The following NRG1 variants were observed in gnomAD, a reference collection of about 807,000 sequenced individuals.
NRG1 encodes the protein pro-neuregulin-1, membrane-bound isoform.
In NRG1, 18 loss-of-function variants were observed where a neutral mutation model predicts 63.8. The ratio of observed to expected loss-of-function variants is 0.28; its 90% CI spans 0.19 to 0.42. NRG1 has a LOEUF of 0.42. Ranked by LOEUF, NRG1 falls within the 10% of genes least tolerant of loss-of-function variation. NRG1 has a pLI of 1.00. For missense variants in NRG1, 762 were observed against 814.7 expected, an observed-to-expected ratio of 0.94 and a Z score of 0.79; for synonymous variants, 302 against 301.3, an observed-to-expected ratio of 1.00 and a Z score of -0.02.
intron 1 of NRG1, among the ~76,000 whole-genome samples, chr8:32,162,113 T>C (rs1027384905): frequency 3.9e-5 from 6 of 152,244 alleles, no homozygotes; most frequent in Non-Finnish European, 4.4e-5. Flanking sequence ...TATGTATGCA[T>C]CACTTTTCTC....
intron 1 of NRG1, among the ~76,000 whole-genome samples, chr8:32,047,497 A>T (rs1173779515): frequency 1.3e-5 from 2 of 152,076 alleles, no homozygotes; most frequent in Non-Finnish European, 2.9e-5. Context: ...GGAAGTGTGC[A>T]TCAATTATAC....
At chr8:32,168,964 C>A (rs905289725) in intron 1 of NRG1, among the ~76,000 whole-genome samples, 4 of 152,188 alleles carry the variant, frequency 2.6e-5, no homozygotes, top group Non-Finnish European at 5.9e-5. Context: ...CCATCTAATG[C>A]TGAGAGGTAT....
intron 1 of NRG1, among the ~76,000 whole-genome samples, chr8:32,413,343 G>C (rs760226012): frequency 3.5e-4 from 54 of 152,120 alleles, no homozygotes; most frequent in Non-Finnish European, 6.5e-4. Flanking sequence ...CTATATAGAT[G>C]AGAGTAAAAG....
intron 1 of NRG1, among the ~76,000 whole-genome samples, chr8:31,894,546 C>CTTTTTTTTTTTTTTTTTTTTTT (rs370312165): frequency 1.0e-5 from 1 of 98,068 alleles, no homozygotes; most frequent in African/African-American, 3.3e-5. Context: ...CTATTTCTTT[C>CTTTTTTTTTTTTTTTTTTTTTT]TTTTTTCTTT....
chr8:32,431,021 C>A (rs1489183579), intron 1 of NRG1, among the ~76,000 whole-genome samples: 1 of 152,060 alleles, frequency 6.6e-6, no homozygotes, highest in African/African-American at 2.4e-5. Context: ...AAGCCTGTTA[C>A]CTCATTTAAT....
intron 1 of NRG1, among the ~76,000 whole-genome samples, chr8:31,810,067 T>C (rs1185757283): frequency 2.0e-5 from 3 of 152,036 alleles, no homozygotes; most frequent in Non-Finnish European, 4.4e-5. Flanking sequence ...ATGCCAACCT[T>C]GGATTCATCC....
At chr8:31,822,333 A>G (rs1439235897) in intron 1 of NRG1, among the ~76,000 whole-genome samples, 1 of 151,984 alleles carries the variant, frequency 6.6e-6, no homozygotes, top group Admixed American at 6.5e-5. Flanking sequence ...TTTTTTTTCT[A>G]TAACCAACCA....
chr8:31,923,151 C>T (rs1834050772), intron 1 of NRG1, among the ~76,000 whole-genome samples: 1 of 152,004 alleles, frequency 6.6e-6, no homozygotes, highest in African/African-American at 2.4e-5. Context: ...GAAACCTTCA[C>T]TATGTTAAAA....
intron 1 of NRG1, among the ~76,000 whole-genome samples, chr8:32,525,328 C>T (rs1830716432): frequency 6.6e-6 from 1 of 151,680 alleles, no homozygotes; most frequent in African/African-American, 2.4e-5. Context: ...GAAAGTCAGT[C>T]TTTTGTCACA....
At chr8:32,372,008 T>A (rs1316623169) in intron 1 of NRG1, among the ~76,000 whole-genome samples, 1 of 129,214 alleles carries the variant, frequency 7.7e-6, no homozygotes, top group African/African-American at 2.6e-5. Context: ...TTTTTTTTTT[T>A]AAAAGGGTTG....
chr8:32,223,700 A>T (rs1363255517), intron 1 of NRG1, among the ~76,000 whole-genome samples: 2 of 152,186 alleles, frequency 1.3e-5, no homozygotes, highest in South Asian at 4.1e-4. Flanking sequence ...CGTGAACATG[A>T]TGCCCTCTAG....
At chr8:32,069,547 C>T (rs1343410992) in intron 1 of NRG1, among the ~76,000 whole-genome samples, 1 of 152,070 alleles carries the variant, frequency 6.6e-6, no homozygotes, top group Admixed American at 6.6e-5. Context: ...GATTGGGAAG[C>T]TGTGGGGATG....
chr8:32,403,227 G>A (rs1348571678), intron 1 of NRG1, among the ~76,000 whole-genome samples: 2 of 146,626 alleles, frequency 1.4e-5, no homozygotes, highest in Non-Finnish European at 3.0e-5. Flanking sequence ...GAACCTGGAA[G>A]GCAGAAAAGT....
intron 1 of NRG1, among the ~76,000 whole-genome samples, chr8:32,528,252 A>G (rs1831083935): frequency 1.3e-5 from 2 of 152,186 alleles, no homozygotes; most frequent in Admixed American, 1.3e-4. Flanking sequence ...CTGTTGTTAT[A>G]TGTCTAGTTA....
intron 1 of NRG1, among the ~76,000 whole-genome samples, chr8:32,138,415 T>C (rs1481930961): frequency 6.6e-6 from 1 of 151,812 alleles, no homozygotes; most frequent in Non-Finnish European, 1.5e-5. Flanking sequence ...AGTTTTAGGA[T>C]TTCATGTCAA....
At chr8:31,875,614 C>A (rs1222804649) in intron 1 of NRG1, among the ~76,000 whole-genome samples, 1 of 152,060 alleles carries the variant, frequency 6.6e-6, no homozygotes, top group African/African-American at 2.4e-5. Flanking sequence ...GTCTCCTCTG[C>A]GATTATGTGG....
intron 1 of NRG1, among the ~76,000 whole-genome samples, chr8:32,316,130 C>T (rs116409829): frequency 1.2e-4 from 18 of 152,208 alleles, no homozygotes; most frequent in South Asian, 2.1e-4. Flanking sequence ...ATGAAAGTGC[C>T]GCAACATTCA....
intron 1 of NRG1, among the ~76,000 whole-genome samples, chr8:32,553,886 A>G (rs1834613348): frequency 6.6e-6 from 1 of 152,198 alleles, no homozygotes; most frequent in South Asian, 2.1e-4. Flanking sequence ...CAGCCTTCCT[A>G]GAATGGCTAT....
chr8:32,159,251 T>A (rs967915463), intron 1 of NRG1, among the ~76,000 whole-genome samples: 13 of 152,212 alleles, frequency 8.5e-5, no homozygotes, highest in Non-Finnish European at 1.3e-4. Context: ...AGAAAAAGGC[T>A]TGGCCGGGCG....
Sources: allele counts gnomAD v4.1 joint callset (sites outside exome capture counted in the v4.1 genomes callset), GRCh38; gene constraint gnomAD v4.1.1; transcripts MANE v1.5; gene names NCBI Gene and HGNC (gene_info 2026-07-23, HGNC 2026-07-21).